The following UBAC2 variants were observed in gnomAD, a reference collection of about 807,000 sequenced individuals.
The protein encoded by UBAC2 is UBA domain containing 2.
A neutral mutation model predicts 44.0 loss-of-function variants in UBAC2; 26 were observed. The observed-to-expected ratio is 0.59, with a 90% confidence interval of 0.43 to 0.82. The LOEUF (loss-of-function observed/expected upper bound fraction) is 0.82, where lower values mean the gene tolerates loss of function less well. UBAC2 is among the 40% of genes least tolerant of loss of function. UBAC2 has a pLI of 0.00. For synonymous variants in UBAC2, 155 were observed against 154.3 expected (o/e 1.00, Z -0.04); for missense variants, 329 against 419.4 (o/e 0.78, Z 1.88).
chr13:99,363,370 T>C (rs2045290787), intron 7 of UBAC2, among the ~76,000 whole-genome samples: 2 of 152,226 alleles, frequency 1.3e-5, no homozygotes, highest in Admixed American at 1.3e-4. Flanking sequence ...TGCATACTTT[T>C]GAATTTTGAG....
At chr13:99,344,846 G>A (rs755887296) in intron 7 of UBAC2, among the ~76,000 whole-genome samples, 8 of 152,178 alleles carry the variant, frequency 5.3e-5, no homozygotes, top group Non-Finnish European at 1.0e-4. Context: ...TGGTGGCTTC[G>A]CTGTGGGCAC....
intron 4 of UBAC2, among the ~76,000 whole-genome samples, chr13:99,266,183 T>G (rs547330851): frequency 6.6e-6 from 1 of 151,802 alleles, no homozygotes; most frequent in African/African-American, 2.4e-5. Flanking sequence ...ATTTTAATGT[T>G]ACTTTATGAA....
chr13:99,250,140 C>T (rs1303004345), intron 4 of UBAC2, among the ~76,000 whole-genome samples: 2 of 152,110 alleles, frequency 1.3e-5, no homozygotes, highest in Non-Finnish European at 1.5e-5. Flanking sequence ...TCCCCAAGGC[C>T]GATGTCCAGA....
chr13:99,385,078 T>G, intron 8 of UBAC2, 150 bp from the exon 9 acceptor site: 2 of 624,360 alleles, frequency 3.2e-6, no homozygotes, highest in Admixed American at 2.7e-5. Context: ...GGTATAACTT[T>G]TAAGTATCAG....
At chr13:99,247,229 T>C (rs1594043695) in intron 4 of UBAC2, among the ~76,000 whole-genome samples, 1 of 151,804 alleles carries the variant, frequency 6.6e-6, no homozygotes, top group East Asian at 1.9e-4. Flanking sequence ...GTTTTGTTTT[T>C]CTTGAGACGG....
intron 2 of UBAC2, among the ~76,000 whole-genome samples, chr13:99,239,080 T>G (rs2142727874): frequency 6.6e-6 from 1 of 152,386 alleles, no homozygotes; most frequent in Middle Eastern, 3.4e-3. Flanking sequence ...TACTGGGTTC[T>G]TGTCTATGAA....
intron 2 of UBAC2, among the ~76,000 whole-genome samples, chr13:99,241,226 C>T (rs143100166): frequency 1.4e-5 from 2 of 146,656 alleles, no homozygotes; most frequent in African/African-American, 2.6e-5. Flanking sequence ...GATCACATCA[C>T]TGCACTACAG....
intron 1 of UBAC2, among the ~76,000 whole-genome samples, chr13:99,228,492 C>T (rs1385972532): frequency 1.3e-5 from 2 of 152,050 alleles, no homozygotes; most frequent in South Asian, 2.1e-4. Flanking sequence ...CGGGGCTTCA[C>T]GATGTTGGCC....
chr13:99,238,935 G>A (rs2043270201), intron 2 of UBAC2, among the ~76,000 whole-genome samples: 1 of 152,208 alleles, frequency 6.6e-6, no homozygotes, highest in African/African-American at 2.4e-5. Context: ...TCTGTCAGCT[G>A]TATCAGATTA....
In UBAC2 at chr13:99,243,833, T is replaced by G; in HGVS notation, c.161T>G (p.Ile54Ser). 6.4e-7 allele frequency: 1 copy of G among 1,567,054 alleles called. No individual in the cohort carries two copies. The highest frequency in any genetic ancestry group is 2.3e-5 in the East Asian group (1 of 43,412). ...DLHAVKNDFQ[I>S]WRLICGRIIC... Reference sequence around the variant, plus strand: ...GTTCTTTTTTAAATCCCCATCTAGATTTGGAGGTTGATATGTGGAAGAATA... The same window carrying G: ...GTTCTTTTTTAAATCCCCATCTAGAGTTGGAGGTTGATATGTGGAAGAATA... Residue 54 changes from isoleucine (I) to serine (S), a missense_variant and splice_region_variant, in exon 3 of 9, where the codon ATT becomes AGT. Ile to Ser is a moderately radical substitution (Grantham distance 142). Coordinates refer to ENST00000403766, the MANE Select transcript of UBAC2 (RefSeq NM_001144072.2).
rs145606686 is a variant in UBAC2, at chr13:99,295,995, G to C, written c.390-18102G>C. The C allele has an allele frequency of 1.7e-4, 268 of 1,614,188 alleles. No homozygotes were observed. The African/African-American group carries it at 2.0e-3, about 12-fold the overall frequency. ...TTTTGAACAATGACGACCAAGGCTAGTAAGTTTCCCACGAGCCCAATGATG... is the reference window on the plus strand; with the variant it reads ...TTTTGAACAATGACGACCAAGGCTACTAAGTTTCCCACGAGCCCAATGATG... On this transcript the variant is annotated intron_variant, in intron 4 of 8. Transcript: ENST00000403766. The surrounding 1 kb of genome is among the most constrained non-coding windows in gnomAD (Gnocchi z 4.1).
rs558956394 is a variant in UBAC2 at position 99,322,476 on chromosome 13, G to A, written c.561+4407G>A. On this transcript the variant is annotated intron_variant, in intron 6 of 8. Transcript: ENST00000403766. Reference sequence around the variant, plus strand: ...ATTAAAATAGAAAGAGCCTTCTTTTGCCAATTTTCTTTTTACAGTTCACAC... The same window carrying A: ...ATTAAAATAGAAAGAGCCTTCTTTTACCAATTTTCTTTTTACAGTTCACAC... Among the ~76,000 whole-genome samples, 8 of 152,226 alleles carry A rather than the reference G, an allele frequency of 5.3e-5. No homozygotes were observed. The East Asian group carries it at 9.6e-4, about 18-fold the overall frequency.
At chr13:99,292,137 T>TC (rs928894901) in intron 4 of UBAC2, among the ~76,000 whole-genome samples, 2 of 151,870 alleles carry the variant, frequency 1.3e-5, no homozygotes, top group African/African-American at 4.8e-5. Flanking sequence ...CTTTTTTTTT[T>TC]CTTTTCTTTT....
intron 7 of UBAC2, among the ~76,000 whole-genome samples, chr13:99,365,580 A>G (rs918775778): frequency 6.6e-6 from 1 of 151,796 alleles, no homozygotes; most frequent in Non-Finnish European, 1.5e-5. Context: ...TTTAGTTATT[A>G]TTTTGATGTT....
intron 4 of UBAC2, among the ~76,000 whole-genome samples, chr13:99,298,619 A>G (rs139945409): frequency 0.018 from 2,714 of 152,334 alleles, 29 homozygotes; most frequent in Admixed American, 0.032. Flanking sequence ...GGAAGAAAAC[A>G]ATAGAGATAA....
chr13:99,295,979 A>G lies in UBAC2; in HGVS notation c.390-18118A>G, dbSNP rs1027040158. 1 of 1,614,212 alleles carries G rather than the reference A, an allele frequency of 6.2e-7. No homozygotes were observed. The highest frequency in any genetic ancestry group is 8.5e-7 in the Non-Finnish European group (1 of 1,180,028). On this transcript the variant is annotated intron_variant, in intron 4 of 8. Transcript: ENST00000403766. This position sits in a 1 kb window ranked among gnomAD's most constrained non-coding sequence, Gnocchi z 4.1. ...GTTGATTTTTTTCCTGTTTTGAACA[A>G]TGACGACCAAGGCTAGTAAGTTTCC... is the stretch of plus-strand genomic sequence containing the variant.
At chr13:99,247,123 A>G (rs1480239767) in intron 4 of UBAC2, among the ~76,000 whole-genome samples, 1 of 152,130 alleles carries the variant, frequency 6.6e-6, no homozygotes, top group East Asian at 1.9e-4. Flanking sequence ...GGTGTGAGCC[A>G]CTGCACCCAG....
intron 4 of UBAC2, among the ~76,000 whole-genome samples, chr13:99,277,693 ATCACTCTCTTACT>A (rs1466646923): frequency 6.6e-6 from 1 of 152,170 alleles, no homozygotes; most frequent in African/African-American, 2.4e-5. Context: ...ATCCTCCAGC[ATCACTCTCTTACT>A]TGAAATAAAA....
intron 7 of UBAC2, among the ~76,000 whole-genome samples, chr13:99,363,732 C>G (rs780778564): frequency 8.5e-5 from 13 of 152,148 alleles, no homozygotes; most frequent in Non-Finnish European, 1.8e-4. Context: ...ATATACACAC[C>G]CAAGAAAACC....
Sources: allele counts gnomAD v4.1 joint callset (sites outside exome capture counted in the v4.1 genomes callset), GRCh38; gene constraint gnomAD v4.1.1; non-coding constraint Gnocchi (gnomAD v3.1); transcripts MANE v1.5; gene names NCBI Gene and HGNC (gene_info 2026-07-23, HGNC 2026-07-21).